Variants in DGKH observed in about 807,000 individuals in gnomAD.
DGKH encodes DAG kinase eta.
DGKH carries 90 observed loss-of-function variants against 159.3 expected under a neutral mutation model. The observed-to-expected ratio is 0.57, with a 90% confidence interval of 0.48 to 0.67. The LOEUF (loss-of-function observed/expected upper bound fraction) is 0.67. Among genes scored for constraint, DGKH ranks in the 30% least tolerant of loss-of-function variants. The pLI, the probability that DGKH is intolerant of heterozygous loss-of-function variation, is 0.00. For synonymous variants in DGKH, 536 were observed against 553.8 expected, an observed-to-expected ratio of 0.97 and a Z score of 0.45; for missense variants, 1,181 against 1,506.1, an observed-to-expected ratio of 0.78 and a Z score of 3.57.
chr13:42,226,772 G>A (rs1417929909), intron 29 of DGKH, among the ~76,000 whole-genome samples: 2 of 151,324 alleles, frequency 1.3e-5, no homozygotes, highest in African/African-American at 2.4e-5. Context: ...CAGGAGAATC[G>A]TTTGAACCTG....
At chr13:42,190,270 G>T in intron 15 of DGKH, 133 bp from the exon 16 acceptor site, 1 of 1,070,170 alleles carries the variant, frequency 9.3e-7, no homozygotes, top group Non-Finnish European at 1.3e-6. Flanking sequence ...CAAGTTCATT[G>T]CTAAATAGTG....
At chr13:42,070,768 T>C (rs1222803569) in intron 1 of DGKH, 3 of 1,572,074 alleles carry the variant, frequency 1.9e-6, no homozygotes, top group Non-Finnish European at 1.7e-6. Context: ...CTTCATGTAC[T>C]CCTGAACAAT....
chr13:42,214,962 G>A (rs114350279), intron 25 of DGKH, among the ~76,000 whole-genome samples: 316 of 151,826 alleles, frequency 2.1e-3, no homozygotes, highest in African/African-American at 6.9e-3. Context: ...TATCATCAGC[G>A]TGCATTTTGT....
chr13:42,205,277 A>T (rs919577632), intron 20 of DGKH, among the ~76,000 whole-genome samples: 1 of 152,196 alleles, frequency 6.6e-6, no homozygotes, highest in Non-Finnish European at 1.5e-5. Flanking sequence ...AGTAATTTTT[A>T]AAAAATTAGT....
At chr13:42,250,702 C>A (rs1377803187) in intron 29 of DGKH, among the ~76,000 whole-genome samples, 2 of 152,134 alleles carry the variant, frequency 1.3e-5, no homozygotes, top group African/African-American at 4.8e-5. Context: ...AAGTGACAAC[C>A]AATTAAAGGA....
chr13:42,207,124 TC>T (rs754165074), intron 21 of DGKH, among the ~76,000 whole-genome samples: 35,699 of 61,264 alleles, frequency 0.58, 11,278 homozygotes, highest in Non-Finnish European at 0.61. Context: ...TCTTTCTCTC[TC>T]CTTCCTTCCT....
rs920377275 is a variant in DGKH, at chr13:42,231,620, T to A, written c.*2432T>A. 1 of 152,206 alleles carries A rather than the reference T, an allele frequency of 6.6e-6. No individual in the cohort carries two copies. The highest frequency in any genetic ancestry group is 2.4e-5 in the African/African-American group (1 of 41,446). 9.4% of individuals were successfully genotyped at this position (152,206 alleles called of 1,614,324 possible). On this transcript the variant is annotated 3_prime_UTR_variant, in exon 30 of 30. Coordinates refer to ENST00000337343, the MANE Select transcript of DGKH (RefSeq NM_178009.5). The stretch of plus-strand genomic sequence containing the variant: ...CTCTAGCATAAATAATGTATTAATA[T>A]AAATATCTATATTGATTTTCACCCC...
At chr13:42,128,319 G>A (rs1368803837) in intron 2 of DGKH, among the ~76,000 whole-genome samples, 5 of 152,200 alleles carry the variant, frequency 3.3e-5, no homozygotes, top group African/African-American at 1.2e-4. Context: ...TTTTATAAAT[G>A]TATGCTCCTG....
intron 27 of DGKH, 125 bp from the exon 28 acceptor site, chr13:42,219,561 A>C (rs1412884739): frequency 7.5e-6 from 9 of 1,200,768 alleles, no homozygotes; most frequent in Middle Eastern, 5.1e-4. Context: ...CTTTTTTTGA[A>C]GAAGTTATCA....
intron 3 of DGKH, among the ~76,000 whole-genome samples, chr13:42,149,372 T>C (rs370576560): frequency 8.3e-4 from 126 of 152,320 alleles, no homozygotes; most frequent in Non-Finnish European, 1.6e-3. Flanking sequence ...CGAAGGGTCT[T>C]GTAAGCCATG....
chr13:42,228,216 G>A (rs953730962), intron 29 of DGKH, among the ~76,000 whole-genome samples: 1 of 151,990 alleles, frequency 6.6e-6, no homozygotes, highest in African/African-American at 2.4e-5. Context: ...ATCTATTTCT[G>A]AAAGTTAAAT....
intron 30 of DGKH, among the ~76,000 whole-genome samples, chr13:42,255,116 C>T (rs931461390): frequency 1.3e-5 from 2 of 149,874 alleles, no homozygotes; most frequent in Non-Finnish European, 3.0e-5. Context: ...TAATGGCATA[C>T]ATTATATTTC....
intron 3 of DGKH, among the ~76,000 whole-genome samples, chr13:42,151,516 TATATATATACAC>T (rs2137934310): frequency 9.4e-6 from 1 of 106,854 alleles, no homozygotes; most frequent in African/African-American, 3.6e-5. Context: ...TATACACATG[TATATATATACAC>T]GTGTATATAT....
Position 42,134,718 on chromosome 13 carries a change from A to T in DGKH, c.384+5086A>T, listed in dbSNP as rs1955364847. On this transcript the variant is annotated intron_variant, in intron 3 of 29. Coordinates refer to ENST00000337343, the MANE Select transcript of DGKH (RefSeq NM_178009.5). ...AACCCTGTCTCTACTAAATACAAAA[A>T]TTTGCTGGGCGTGGTGGCTCATGCC... 2.0e-5 allele frequency among the ~76,000 whole-genome samples: 3 copies of T among 152,210 alleles called. No individual in the cohort carries two copies. The South Asian group carries it at 6.2e-4, about 32-fold the overall frequency.
chr13:42,215,122 A>G (rs1957755513), intron 25 of DGKH, among the ~76,000 whole-genome samples: 1 of 151,812 alleles, frequency 6.6e-6, no homozygotes, highest in Admixed American at 6.6e-5. Flanking sequence ...AATGTGCCAC[A>G]TGGTACAATG....
At chr13:42,069,075 C>T (rs1029798967) in intron 1 of DGKH, 8 of 1,418,106 alleles carry the variant, frequency 5.6e-6, no homozygotes, top group South Asian at 2.3e-5. Flanking sequence ...CTATTGGGCT[C>T]GAGCTGCTTA....
chr13:42,196,630 G>A lies in DGKH; in HGVS notation c.2167+1614G>A, dbSNP rs79395997. 3.6e-3 allele frequency among the ~76,000 whole-genome samples: 544 copies of A among 152,282 alleles called. 8 individuals are homozygous for A. The East Asian group carries it at 0.048, about 14-fold the overall frequency. ...CCAAGGACCTGGAGGTGAGGTGATCGACGGAATGGAAAATGACAGCTAGTG... is the reference window on the plus strand; with the variant it reads ...CCAAGGACCTGGAGGTGAGGTGATCAACGGAATGGAAAATGACAGCTAGTG... On this transcript the variant is annotated intron_variant, in intron 17 of 29. Transcript: ENST00000337343.
rs1048687067 is a variant in DGKH at position 42,232,471 on chromosome 13, C to T, written c.*3283C>T. The T allele has an allele frequency of 3.9e-5, 6 of 152,184 alleles. No homozygotes were observed. The highest frequency in any genetic ancestry group is 1.4e-4 in the African/African-American group (6 of 41,436). 9.4% of individuals were successfully genotyped at this position (152,184 alleles called of 1,614,324 possible). A position where few individuals can be genotyped will look rare whatever the true frequency, so the allele number is the denominator to read the frequency against. On this transcript the variant is annotated 3_prime_UTR_variant, in exon 30 of 30. Coordinates refer to ENST00000337343, the MANE Select transcript of DGKH (RefSeq NM_178009.5). Reference sequence around the variant, plus strand: ...TCTCTTCACCTCCCTTTCTGAGTTTCTTTCCTACATCCTGGCTCTTCATTT... The same window carrying T: ...TCTCTTCACCTCCCTTTCTGAGTTTTTTTCCTACATCCTGGCTCTTCATTT...
intron 11 of DGKH, among the ~76,000 whole-genome samples, chr13:42,170,028 T>G (rs1956406641): frequency 6.6e-6 from 1 of 152,176 alleles, no homozygotes; most frequent in Non-Finnish European, 1.5e-5. Context: ...TTTTTATTTG[T>G]CAATTATACC....
Sources: gnomAD v4.1 joint callset for allele counts (sites outside exome capture counted in the v4.1 genomes callset) on GRCh38, gnomAD v4.1.1 for gene constraint, MANE v1.5 for transcripts, NCBI Gene and HGNC (gene_info 2026-07-23, HGNC 2026-07-21) for gene names.